Variants in MYO16 observed in about 807,000 individuals in gnomAD.
The protein encoded by MYO16 is unconventional myosin-XVI.
Under a neutral mutation model 205.3 loss-of-function variants are expected in MYO16, and 94 were observed. That is an observed-to-expected ratio of 0.46 (90% CI 0.39 to 0.54). The LOEUF is 0.54. MYO16 is among the 20% of genes least tolerant of loss of function. MYO16 has a pLI of 0.00. For missense variants in MYO16, 2,315 were observed against 2,387.5 expected (o/e 0.97, Z 0.63); for synonymous variants, 988 against 954.0 (o/e 1.04, Z -0.66).
intron 10 of MYO16, among the ~76,000 whole-genome samples, chr13:108,854,287 A>T (rs9559424): frequency 0.091 from 13,901 of 152,084 alleles, 789 homozygotes; most frequent in Non-Finnish European, 0.12. Context: ...AAGCCACCAC[A>T]CCGGCCTGTG....
intron 34 of MYO16, among the ~76,000 whole-genome samples, chr13:109,185,653 C>A (rs557766450): frequency 1.3e-5 from 2 of 152,060 alleles, no homozygotes; most frequent in African/African-American, 4.8e-5. Flanking sequence ...GAAACATCAC[C>A]TTTAATAAGT....
intron 12 of MYO16, among the ~76,000 whole-genome samples, chr13:108,877,895 A>G (rs973589171): frequency 2.0e-5 from 3 of 152,230 alleles, no homozygotes; most frequent in African/African-American, 4.8e-5. Context: ...CCTTGTTTAC[A>G]TACAAATCAT....
intron 27 of MYO16, among the ~76,000 whole-genome samples, chr13:109,061,258 A>G (rs904419699): frequency 2.0e-5 from 3 of 152,172 alleles, no homozygotes; most frequent in Non-Finnish European, 2.9e-5. Flanking sequence ...ACCTTCTTAC[A>G]TTCGTGTGCC....
At chr13:108,766,248 C>T (rs771966202) in intron 4 of MYO16, among the ~76,000 whole-genome samples, 8 of 152,158 alleles carry the variant, frequency 5.3e-5, no homozygotes, top group East Asian at 1.9e-4. Flanking sequence ...TTCTTGATCA[C>T]GAACAGATGG....
intron 24 of MYO16, among the ~76,000 whole-genome samples, chr13:109,050,195 A>G (rs929698478): frequency 6.6e-6 from 1 of 152,008 alleles, no homozygotes; most frequent in African/African-American, 2.4e-5. Flanking sequence ...CTAATTCAGG[A>G]TCATTGATTG....
At chr13:108,677,798 G>T (rs892534002) in intron 2 of MYO16, among the ~76,000 whole-genome samples, 2 of 152,032 alleles carry the variant, frequency 1.3e-5, no homozygotes, top group Non-Finnish European at 2.9e-5. Context: ...AATTGAAACT[G>T]AAAAAAAGCA....
intron 4 of MYO16, among the ~76,000 whole-genome samples, chr13:108,732,860 G>C (rs1594248250): frequency 6.6e-6 from 1 of 152,208 alleles, no homozygotes; most frequent in Non-Finnish European, 1.5e-5. Flanking sequence ...TTTGAAGGCA[G>C]AGTTGTCTGT....
At chr13:108,800,052 A>G (rs1886922759) in intron 6 of MYO16, among the ~76,000 whole-genome samples, 1 of 152,084 alleles carries the variant, frequency 6.6e-6, no homozygotes, top group Non-Finnish European at 1.5e-5. Flanking sequence ...AGCCTGTACC[A>G]GGTCTGGGTG....
intron 30 of MYO16, among the ~76,000 whole-genome samples, chr13:109,126,552 C>A (rs530129314): frequency 6.6e-6 from 1 of 152,254 alleles, no homozygotes; most frequent in South Asian, 2.1e-4. Context: ...TTATTATTTT[C>A]TCTGCTGGAA....
rs774026250 is a variant in MYO16, at chr13:109,179,683, A to T, written c.5415+50A>T. Reference sequence around the variant, plus strand: ...GTGCAGTGACAAATGGAATTAAGTTATGACAAGGCATTCATTAACTTGTTA... The same window carrying T: ...GTGCAGTGACAAATGGAATTAAGTTTTGACAAGGCATTCATTAACTTGTTA... On this transcript the variant is annotated intron_variant, in intron 34 of 34. Coordinates refer to ENST00000457511, the MANE Select transcript of MYO16 (RefSeq NM_001198950.3). The T allele has an allele frequency of 2.8e-6, 4 of 1,428,598 alleles. No homozygotes were observed. The South Asian group carries it at 4.6e-5, about 16-fold the overall frequency. The allele number at this position is 1,428,598 out of a possible 1,614,324, so 88.5% of individuals were successfully genotyped here. A position where few individuals can be genotyped will look rare whatever the true frequency, so the allele number is the denominator to read the frequency against.
intron 2 of MYO16, among the ~76,000 whole-genome samples, chr13:108,705,353 G>A (rs1263978972): frequency 6.6e-6 from 1 of 152,146 alleles, no homozygotes; most frequent in African/African-American, 2.4e-5. Context: ...ATCATCAGAA[G>A]GTCAGTTGTA....
At chr13:109,020,715 G>T (rs539957188) in intron 23 of MYO16, among the ~76,000 whole-genome samples, 21 of 152,224 alleles carry the variant, frequency 1.4e-4, no homozygotes, top group African/African-American at 4.6e-4. Flanking sequence ...TGCATGTACA[G>T]CTCTCTGTCT....
At chr13:109,206,487 G>A (rs978077764) in intron 34 of MYO16, 122 bp from the exon 35 acceptor site, 15 of 718,692 alleles carry the variant, frequency 2.1e-5, no homozygotes, top group Admixed American at 2.0e-4. Context: ...GGAGATTGAG[G>A]AAAGAGGCTG....
chr13:108,525,000 T>A, the MYO16 span, among the ~76,000 whole-genome samples: 1,214 of 152,246 alleles, frequency 8.0e-3, 10 homozygotes, highest in Non-Finnish European at 0.012. Flanking sequence ...AAAACTTTTT[T>A]AAAAAAATCA....
chr13:108,711,240 G>A (rs958539360), intron 2 of MYO16, among the ~76,000 whole-genome samples: 4 of 152,186 alleles, frequency 2.6e-5, no homozygotes, highest in African/African-American at 7.2e-5. Flanking sequence ...AAATGAATAC[G>A]ACACGAGCTG....
chr13:108,711,065 T>C (rs997652628), intron 2 of MYO16, among the ~76,000 whole-genome samples: 1 of 151,820 alleles, frequency 6.6e-6, no homozygotes, highest in African/African-American at 2.4e-5. Flanking sequence ...TCATTTATTC[T>C]ATATATATAT....
chr13:109,042,965 A>G (rs998264887), intron 23 of MYO16, among the ~76,000 whole-genome samples: 2 of 152,214 alleles, frequency 1.3e-5, no homozygotes, highest in African/African-American at 4.8e-5. Flanking sequence ...GTAACAGTGA[A>G]TTGAAGTCTC....
intron 34 of MYO16, among the ~76,000 whole-genome samples, chr13:109,180,398 C>T (rs1211744093): frequency 1.3e-5 from 2 of 152,272 alleles, no homozygotes; most frequent in East Asian, 1.9e-4. Context: ...AGGTGATGCA[C>T]AAACCACCCA....
intron 4 of MYO16, among the ~76,000 whole-genome samples, chr13:108,761,767 C>T (rs1016713125): frequency 6.6e-6 from 1 of 152,190 alleles, no homozygotes; most frequent in African/African-American, 2.4e-5. Flanking sequence ...CCTCCACCTT[C>T]TCTCTGTTTC....
Sources: gnomAD v4.1 joint callset for allele counts (sites outside exome capture counted in the v4.1 genomes callset) on GRCh38, gnomAD v4.1.1 for gene constraint, MANE v1.5 for transcripts, NCBI Gene and HGNC (gene_info 2026-07-23, HGNC 2026-07-21) for gene names.